The following PPP3R1 variants were observed in gnomAD, a reference collection of about 807,000 sequenced individuals.
PPP3R1 encodes the protein calcineurin subunit B type 1.
In PPP3R1, 5 loss-of-function variants were observed where a neutral mutation model predicts 22.6. The observed-to-expected ratio is 0.22, with a 90% confidence interval of 0.12 to 0.46. PPP3R1 has a LOEUF of 0.46. PPP3R1 is among the 20% of genes least tolerant of loss of function. PPP3R1 has a pLI of 0.99. For synonymous variants in PPP3R1, 56 were observed against 65.2 expected (o/e 0.86, Z 0.68); for missense variants, 61 against 203.2 (o/e 0.30, Z 4.25).
At position 68,191,501 on chromosome 2, in the gene PPP3R1, G is replaced by C. The variant is rs1483131219; in HGVS notation, c.44-2811C>G. 2.6e-5 allele frequency among the ~76,000 whole-genome samples: 4 copies of C among 152,318 alleles called. No homozygotes were observed. The South Asian group carries it at 6.2e-4, about 24-fold the overall frequency. On this transcript the variant is annotated intron_variant, in intron 2 of 5. Coordinates refer to ENST00000234310, the MANE Select transcript of PPP3R1 (RefSeq NM_000945.4). Reference sequence around the variant, plus strand: ...AGCTGCTCTGGGTGAGCCAGTGAGTGACTGGTGAGTTAATGTAAGGGCCTA... The same window carrying C: ...AGCTGCTCTGGGTGAGCCAGTGAGTCACTGGTGAGTTAATGTAAGGGCCTA...
chr2:68,236,761 G>T (rs908099346), intron 1 of PPP3R1, among the ~76,000 whole-genome samples: 3 of 152,044 alleles, frequency 2.0e-5, no homozygotes, highest in African/African-American at 7.2e-5. Context: ...GTAACCTAGG[G>T]CCAGGTTATA....
Position 68,232,158 on chromosome 2 carries a change from T to C in PPP3R1, c.4-15027A>G, listed in dbSNP as rs570444298. Among the ~76,000 whole-genome samples the C allele has an allele frequency of 3.9e-3, 446 of 115,606 alleles. 14 individuals are homozygous for C. The highest frequency in any genetic ancestry group is 5.5e-3 in the Non-Finnish European group (328 of 60,060). 75.8% of individuals were successfully genotyped at this position (115,606 alleles called of 152,430 possible). A position where few individuals can be genotyped will look rare whatever the true frequency, so the allele number is the denominator to read the frequency against. ...ACACACATATATATGTATATATATA[T>C]ACATATATAAATACATATATACGTA... On this transcript the variant is annotated intron_variant, in intron 1 of 5. Coordinates refer to ENST00000234310, the MANE Select transcript of PPP3R1 (RefSeq NM_000945.4).
At chr2:68,184,527 T>C (rs1674493490) in intron 5 of PPP3R1, among the ~76,000 whole-genome samples, 1 of 152,212 alleles carries the variant, frequency 6.6e-6, no homozygotes, top group Non-Finnish European at 1.5e-5. Flanking sequence ...ACACCAACTT[T>C]AAGCCTGTCA....
chr2:68,182,935 A>G (rs1674445587), intron 5 of PPP3R1, among the ~76,000 whole-genome samples: 1 of 152,056 alleles, frequency 6.6e-6, no homozygotes, highest in Non-Finnish European at 1.5e-5. Flanking sequence ...AATTCTATCA[A>G]TTTTATTGTC....
At chr2:68,219,144 C>T (rs796183825) in intron 1 of PPP3R1, among the ~76,000 whole-genome samples, 5 of 152,256 alleles carry the variant, frequency 3.3e-5, no homozygotes, top group Admixed American at 1.3e-4. Context: ...AAGTAAAGTC[C>T]TTTAATTAAG....
intron 2 of PPP3R1, among the ~76,000 whole-genome samples, chr2:68,195,544 G>A (rs1168569228): frequency 6.6e-6 from 1 of 152,130 alleles, no homozygotes; most frequent in Non-Finnish European, 1.5e-5. Context: ...CTTTGAGACT[G>A]TGCAAATACT....
chr2:68,232,299 G>A (rs1460461890), intron 1 of PPP3R1, among the ~76,000 whole-genome samples: 1 of 142,968 alleles, frequency 7.0e-6, no homozygotes. Flanking sequence ...AAATTAGCCA[G>A]GCGTGATGGC....
chr2:68,218,822 C>G (rs1264946088), intron 1 of PPP3R1, among the ~76,000 whole-genome samples: 2 of 151,772 alleles, frequency 1.3e-5, no homozygotes, highest in African/African-American at 4.8e-5. Context: ...AAAACCAGGT[C>G]CTTGTTTCTC....
Position 68,186,616 on chromosome 2 carries a change from T to G in PPP3R1, c.317A>C (p.Tyr106Ser). The change falls in exon 5 of 6, where the codon TAT (tyrosine) becomes TCT (serine). Residue 106 changes from tyrosine (Y) to serine (S), a missense_variant. By Grantham distance (144) the Tyr-to-Ser change is moderately radical (BLOSUM62 -2). Transcript: ENST00000234310. The stretch of plus-strand genomic sequence containing the variant: ...CTGGAAGAGTTCCCCATTGGAAATA[T>G]AGCCATCTTTATCCATGTCATAGAT... ...FRIYDMDKDG[Y>S]ISNGELFQVL... 6.2e-7 allele frequency: 1 copy of G among 1,613,022 alleles called. No homozygotes were observed. The highest frequency in any genetic ancestry group is 8.5e-7 in the Non-Finnish European group (1 of 1,179,314).
chr2:68,229,079 C>T (rs1669837417), intron 1 of PPP3R1, among the ~76,000 whole-genome samples: 1 of 152,082 alleles, frequency 6.6e-6, no homozygotes, highest in Admixed American at 6.6e-5. Flanking sequence ...AGTGTAGTGG[C>T]ATGACATGGC....
At chr2:68,233,627 A>G (rs949504555) in intron 1 of PPP3R1, among the ~76,000 whole-genome samples, 1 of 152,174 alleles carries the variant, frequency 6.6e-6, no homozygotes, top group Admixed American at 6.5e-5. Context: ...TATTTCCCAA[A>G]TCGCAGTAAT....
chr2:68,215,630 G>A (rs2103768920), intron 2 of PPP3R1, among the ~76,000 whole-genome samples: 1 of 152,290 alleles, frequency 6.6e-6, no homozygotes, highest in African/African-American at 2.4e-5. Flanking sequence ...GTACCTGTGA[G>A]TTTTACAGTT....
At chr2:68,244,907 G>T (rs1670205927) in intron 1 of PPP3R1, among the ~76,000 whole-genome samples, 1 of 152,122 alleles carries the variant, frequency 6.6e-6, no homozygotes, top group Non-Finnish European at 1.5e-5. Context: ...CAAAGACAAG[G>T]CTTCTGCATT....
chr2:68,247,770 C>T (rs1174080092), intron 1 of PPP3R1, among the ~76,000 whole-genome samples: 8 of 152,184 alleles, frequency 5.3e-5, no homozygotes, highest in Admixed American at 5.2e-4. Flanking sequence ...TCCCCATAAT[C>T]CAATAGTTAC....
At chr2:68,185,010 G>A (rs1157364250) in intron 5 of PPP3R1, among the ~76,000 whole-genome samples, 1 of 152,168 alleles carries the variant, frequency 6.6e-6, no homozygotes, top group Non-Finnish European at 1.5e-5. Context: ...CACAAGGTCA[G>A]AAGATCGAGA....
intron 1 of PPP3R1, among the ~76,000 whole-genome samples, chr2:68,229,409 T>C (rs972109803): frequency 2.6e-5 from 4 of 152,198 alleles, no homozygotes; most frequent in East Asian, 3.9e-4. Context: ...ATAGCACTGG[T>C]TGATTACATA....
At chr2:68,240,975 G>A (rs1670113443) in intron 1 of PPP3R1, among the ~76,000 whole-genome samples, 1 of 152,212 alleles carries the variant, frequency 6.6e-6, no homozygotes, top group Non-Finnish European at 1.5e-5. Flanking sequence ...GAAGCCAAAA[G>A]AGGAGAATTT....
rs1289722647 is a variant in PPP3R1, at chr2:68,237,376, C to CT, written c.3+14748dup. 3.9e-5 allele frequency among the ~76,000 whole-genome samples: 6 copies of CT among 151,990 alleles called. No homozygotes were observed. In the East Asian group the frequency reaches 7.7e-4, roughly 20 times the overall value. On this transcript the variant is annotated intron_variant, in intron 1 of 5. Transcript: ENST00000234310. ...TGTGGTGGTTATTTTACAAATATAA[C>CT]TTTTTTTTAATTTAGAGTACTCCAA...
chr2:68,187,121 G>C, intron 4 of PPP3R1, 134 bp downstream of exon 4: 1 of 677,888 alleles, frequency 1.5e-6, no homozygotes. Context: ...ATTTTCACCA[G>C]AATGTAAAAT....
Sources: allele counts gnomAD v4.1 joint callset (sites outside exome capture counted in the v4.1 genomes callset), GRCh38; gene constraint gnomAD v4.1.1; transcripts MANE v1.5; gene names NCBI Gene and HGNC (gene_info 2026-07-23, HGNC 2026-07-21).